Variants in RBM25 observed in about 807,000 individuals in gnomAD.
RBM25 encodes RNA binding motif protein 25.
RBM25 carries 19 observed loss-of-function variants against 120.7 expected under a neutral mutation model. That is an observed-to-expected ratio of 0.16 (90% CI 0.11 to 0.23). The LOEUF (loss-of-function observed/expected upper bound fraction) is 0.23, where lower values mean the gene tolerates loss of function less well. RBM25 is among the 10% of genes least tolerant of loss of function. The pLI is 1.00. For missense variants in RBM25, 605 were observed against 1,041.5 expected, an observed-to-expected ratio of 0.58 and a Z score of 5.77; for synonymous variants, 390 against 326.7, an observed-to-expected ratio of 1.19 and a Z score of -2.09.
intron 1 of RBM25, among the ~76,000 whole-genome samples, chr14:73,063,363 A>G (rs184044933): frequency 6.7e-6 from 1 of 150,268 alleles, no homozygotes; most frequent in Non-Finnish European, 1.5e-5. Context: ...GTTAGCCAGG[A>G]TGGTCTCGAT....
In RBM25 at chr14:73,069,242, A is replaced by G. The variant is rs540164151; in HGVS notation, c.-15-2385A>G. On this transcript the variant is annotated intron_variant, in intron 1 of 18. Coordinates refer to ENST00000261973, the MANE Select transcript of RBM25 (RefSeq NM_021239.3). The stretch of plus-strand genomic sequence containing the variant: ...TGTGAACTGACATGAAGAGATGGCA[A>G]TTATAACGAGGGAGAAATTCACATG... Among the ~76,000 whole-genome samples, 15 of 152,316 alleles carry G rather than the reference A, an allele frequency of 9.8e-5. 1 individual carries two copies. Among genetic ancestry groups the G allele is most frequent in the South Asian group, 2.1e-4 (1 of 4,830 alleles).
chr14:73,112,413 G>GTT (rs11392696), intron 17 of RBM25, among the ~76,000 whole-genome samples, 163 bp downstream of exon 17: 3,662 of 151,024 alleles, frequency 0.024, 141 homozygotes, highest in African/African-American at 0.078. Flanking sequence ...TTTTTGGTGT[G>GTT]TTTTTTTTTA....
At chr14:73,096,138 C>T (rs1020610678) in intron 6 of RBM25, among the ~76,000 whole-genome samples, 2 of 152,072 alleles carry the variant, frequency 1.3e-5, no homozygotes, top group East Asian at 1.9e-4. Flanking sequence ...CCACCGCACT[C>T]GGCTAATTTT....
intron 13 of RBM25, among the ~76,000 whole-genome samples, chr14:73,108,283 C>T (rs1292512925): frequency 6.6e-6 from 1 of 152,162 alleles, no homozygotes; most frequent in African/African-American, 2.4e-5. Context: ...CTCTTGGGCT[C>T]AAGCAGTCCT....
intron 10 of RBM25, among the ~76,000 whole-genome samples, chr14:73,104,080 GAAAC>G (rs1226410861): frequency 1.3e-5 from 2 of 149,540 alleles, no homozygotes; most frequent in African/African-American, 4.9e-5. Context: ...ACTTTTTATA[GAAAC>G]ACAGTGGCCA....
At chr14:73,091,789 A>C (rs1895819870) in intron 6 of RBM25, among the ~76,000 whole-genome samples, 1 of 152,082 alleles carries the variant, frequency 6.6e-6, no homozygotes, top group South Asian at 2.1e-4. Context: ...AGACAGGAAA[A>C]TCACTTAAAA....
chr14:73,094,909 T>A (rs565716500), intron 6 of RBM25, among the ~76,000 whole-genome samples: 1 of 151,970 alleles, frequency 6.6e-6, no homozygotes, highest in African/African-American at 2.4e-5. Context: ...CAGGCTGGAA[T>A]GGAGCAGCAT....
At chr14:73,097,711 T>G (rs1895979789) in intron 7 of RBM25, among the ~76,000 whole-genome samples, 1 of 152,182 alleles carries the variant, frequency 6.6e-6, no homozygotes, top group Non-Finnish European at 1.5e-5. Flanking sequence ...ACTGAAGATT[T>G]CCACCCACTC....
intron 6 of RBM25, among the ~76,000 whole-genome samples, chr14:73,090,131 A>G (rs1006573128): frequency 6.6e-6 from 1 of 151,348 alleles, no homozygotes; most frequent in Non-Finnish European, 1.5e-5. Flanking sequence ...GCTCACTGCA[A>G]CCTCCACCTC....
intron 1 of RBM25, among the ~76,000 whole-genome samples, chr14:73,061,101 A>G (rs1049089966): frequency 1.3e-5 from 2 of 148,500 alleles, no homozygotes; most frequent in Non-Finnish European, 3.0e-5. Context: ...TCTGTCACCC[A>G]GGCTGGAGTG....
At chr14:73,083,224 G>C (rs1314019636) in intron 4 of RBM25, among the ~76,000 whole-genome samples, 3 of 152,052 alleles carry the variant, frequency 2.0e-5, no homozygotes, top group Non-Finnish European at 2.9e-5. Context: ...ATTTTGTTAG[G>C]ATAAGTAGTG....
Position 73,120,799 on chromosome 14 carries a change from T to G in RBM25, c.*994T>G, listed in dbSNP as rs1896526264. On this transcript the variant is annotated 3_prime_UTR_variant, in exon 19 of 19. Coordinates refer to ENST00000261973, the MANE Select transcript of RBM25 (RefSeq NM_021239.3). ...AAAAAATGAAATAAAATTAGGCAAA[T>G]TGACAGACAGTGAGAGTTTTACAAA... is the stretch of plus-strand genomic sequence containing the variant. 6.6e-6 allele frequency: 1 copy of G among 152,154 alleles called. No homozygotes were observed. The highest frequency in any genetic ancestry group is 2.4e-5 in the African/African-American group (1 of 41,434). 9.4% of individuals were successfully genotyped at this position (152,154 alleles called of 1,614,324 possible). A position where few individuals can be genotyped will look rare whatever the true frequency, so the allele number is the denominator to read the frequency against.
chr14:73,066,122 A>G (rs779297043), intron 1 of RBM25, among the ~76,000 whole-genome samples: 52 of 152,214 alleles, frequency 3.4e-4, no homozygotes, highest in Non-Finnish European at 6.6e-4. Context: ...TATTATAATG[A>G]TAATAGAAGA....
At position 73,088,101 on chromosome 14, in the gene RBM25, T is replaced by G; in HGVS notation, c.483T>G (p.Val161=). The change falls in exon 6 of 19, where the codon GTT becomes GTG. Residue 161 remains valine, a synonymous_variant. Coordinates refer to ENST00000261973, the MANE Select transcript of RBM25 (RefSeq NM_021239.3). ...QIGEKKLLVK[V]DAKTKAQLDE... ...GAGAGAAAAAGCTACTCGTTAAAGTTGATGCAAAGACAAAGGCACAGCTGG... is the reference window on the plus strand; with the variant it reads ...GAGAGAAAAAGCTACTCGTTAAAGTGGATGCAAAGACAAAGGCACAGCTGG... 6.2e-7 allele frequency: 1 copy of G among 1,614,154 alleles called. No individual in the cohort carries two copies. The highest frequency in any genetic ancestry group is 8.5e-7 in the Non-Finnish European group (1 of 1,180,026).
At chr14:73,089,397 C>T (rs966110564) in intron 6 of RBM25, among the ~76,000 whole-genome samples, 8 of 152,102 alleles carry the variant, frequency 5.3e-5, no homozygotes, top group African/African-American at 1.9e-4. Context: ...CTCTGTCGTT[C>T]AGGCTAGAGT....
intron 18 of RBM25, among the ~76,000 whole-genome samples, chr14:73,118,767 C>CTATT (rs1006850080): frequency 7.9e-5 from 12 of 151,204 alleles, no homozygotes; most frequent in African/African-American, 2.2e-4. Context: ...TTTACATTTA[C>CTATT]TATTTATTTA....
chr14:73,095,606 CAA>C (rs202107039), intron 6 of RBM25, among the ~76,000 whole-genome samples: 2 of 128,758 alleles, frequency 1.6e-5, no homozygotes. Flanking sequence ...GACTCCGCCT[CAA>C]AAAAAAAAAA....
At chr14:73,083,288 A>G (rs1015188797) in intron 4 of RBM25, among the ~76,000 whole-genome samples, 1 of 152,224 alleles carries the variant, frequency 6.6e-6, no homozygotes, top group South Asian at 2.1e-4. Context: ...AGAATCAGTA[A>G]GAATTTATAT....
intron 7 of RBM25, 61 bp from the exon 8 acceptor site, chr14:73,099,319 C>A: frequency 1.4e-6 from 2 of 1,449,678 alleles, no homozygotes; most frequent in South Asian, 1.2e-5. Context: ...CATTGCTTTG[C>A]AGATTAGTAT....
Sources: gnomAD v4.1 joint callset for allele counts (sites outside exome capture counted in the v4.1 genomes callset) on GRCh38, gnomAD v4.1.1 for gene constraint, MANE v1.5 for transcripts, NCBI Gene and HGNC (gene_info 2026-07-23, HGNC 2026-07-21) for gene names.